Variants in ARHGAP28 observed in about 807,000 individuals in gnomAD.
ARHGAP28 encodes the protein Rho GTPase activating protein 28, also known as rho GTPase-activating protein 28.
ARHGAP28 carries 56 observed loss-of-function variants against 90.7 expected under a neutral mutation model. The ratio of observed to expected loss-of-function variants is 0.62; its 90% confidence interval spans 0.50 to 0.77. The LOEUF (loss-of-function observed/expected upper bound fraction) is 0.77. ARHGAP28 is among the 30% of genes least tolerant of loss of function. The pLI is 0.00. For synonymous variants in ARHGAP28, 308 were observed against 323.3 expected, an observed-to-expected ratio of 0.95 and a Z score of 0.51; for missense variants, 869 against 900.9, an observed-to-expected ratio of 0.96 and a Z score of 0.45.
intron 1 of ARHGAP28, among the ~76,000 whole-genome samples, chr18:6,733,204 A>G (rs1165492389): frequency 6.6e-6 from 1 of 152,216 alleles, no homozygotes; most frequent in Non-Finnish European, 1.5e-5. Context: ...TATTGACAGT[A>G]AGGAATCCTC....
chr18:6,851,176 C>A, intron 4 of ARHGAP28, 50 bp downstream of exon 4: 2 of 1,547,422 alleles, frequency 1.3e-6, no homozygotes, highest in African/African-American at 1.4e-5. Context: ...TAAGCCATTT[C>A]TTCAAGATGG....
At chr18:6,903,309 T>A (rs1309940925) in intron 16 of ARHGAP28, among the ~76,000 whole-genome samples, 1 of 152,238 alleles carries the variant, frequency 6.6e-6, no homozygotes. Flanking sequence ...CATTTCGTTA[T>A]ATGTATTTTA....
intron 10 of ARHGAP28, among the ~76,000 whole-genome samples, chr18:6,880,684 G>T (rs1361469181): frequency 6.6e-6 from 1 of 152,162 alleles, no homozygotes; most frequent in Admixed American, 6.5e-5. Flanking sequence ...CACTGCTTGA[G>T]CAGGATCCCC....
chr18:6,858,874 A>C (rs1225951743), intron 4 of ARHGAP28, among the ~76,000 whole-genome samples: 1 of 152,082 alleles, frequency 6.6e-6, no homozygotes, highest in Non-Finnish European at 1.5e-5. Context: ...TTCTTTAAAA[A>C]AAAAAAAAGA....
intron 9 of ARHGAP28, 143 bp from the exon 10 acceptor site, chr18:6,875,988 A>G: frequency 4.5e-6 from 3 of 661,944 alleles, no homozygotes; most frequent in Non-Finnish European, 5.3e-6. Flanking sequence ...TAGGATGGTT[A>G]TGAACATTTA....
intron 1 of ARHGAP28, among the ~76,000 whole-genome samples, chr18:6,783,041 C>T (rs965716547): frequency 6.6e-6 from 1 of 152,132 alleles, no homozygotes; most frequent in Non-Finnish European, 1.5e-5. Context: ...CCAGCTCCAA[C>T]CTGCTAGTCC....
At chr18:6,854,509 C>T (rs189208076) in intron 4 of ARHGAP28, among the ~76,000 whole-genome samples, 1 of 152,248 alleles carries the variant, frequency 6.6e-6, no homozygotes, top group Non-Finnish European at 1.5e-5. Flanking sequence ...AATTCTTTTT[C>T]TCCCCATTCC....
At chr18:6,777,966 T>C (rs886394726) in intron 1 of ARHGAP28, among the ~76,000 whole-genome samples, 4 of 152,166 alleles carry the variant, frequency 2.6e-5, no homozygotes, top group African/African-American at 9.6e-5. Flanking sequence ...TGATTGGACA[T>C]AGGTATTTCC....
At position 6,879,541 on chromosome 18, in the gene ARHGAP28, G is replaced by T. The variant is rs576474083; in HGVS notation, c.1291-2596G>T. ...CCCGGCTGACATGGTTTCACATTGG[G>T]GCCACCACAGAAATGTCAGCTCTGT... On this transcript the variant is annotated intron_variant, in intron 10 of 17. Transcript: ENST00000383472. Among the ~76,000 whole-genome samples, 10 of 152,212 alleles carry T rather than the reference G, an allele frequency of 6.6e-5. No individual in the cohort carries two copies. The East Asian group carries it at 1.9e-3, about 29-fold the overall frequency.
intron 2 of ARHGAP28, among the ~76,000 whole-genome samples, chr18:6,835,854 C>T (rs1006189818): frequency 1.1e-4 from 17 of 152,228 alleles, no homozygotes; most frequent in Admixed American, 1.1e-3. Context: ...GTCATAAATA[C>T]ATTGATTTAA....
intron 9 of ARHGAP28, among the ~76,000 whole-genome samples, chr18:6,874,435 G>T (rs2057115592): frequency 6.6e-6 from 1 of 152,084 alleles, no homozygotes; most frequent in Non-Finnish European, 1.5e-5. Context: ...TACCTGATTT[G>T]CTTTTAAGTC....
chr18:6,795,671 G>A lies in ARHGAP28; in HGVS notation c.123-29091G>A, dbSNP rs192209782. ...AGAAACACAGCCTATATGTTAGCCC[G>A]CAGCAGAAAGCCTGCAGCACTCCAG... is the stretch of plus-strand genomic sequence containing the variant. On this transcript the variant is annotated intron_variant, in intron 1 of 17. Coordinates refer to ENST00000383472, the MANE Select transcript of ARHGAP28 (RefSeq NM_001366230.1). Among the ~76,000 whole-genome samples, 588 of 152,240 alleles carry A rather than the reference G, an allele frequency of 3.9e-3. 1 individual carries two copies. The highest frequency in any genetic ancestry group is 0.015 in the South Asian group (72 of 4,818).
chr18:6,907,394 G>GAAAAAAA (rs201812761), intron 16 of ARHGAP28, among the ~76,000 whole-genome samples: 1 of 136,850 alleles, frequency 7.3e-6, no homozygotes, highest in Non-Finnish European at 1.6e-5. Flanking sequence ...TCAAAAACTG[G>GAAAAAAA]AAAAAAAAAA....
rs1299831989 is a variant in ARHGAP28, at chr18:6,837,384, C to A, written c.513C>A (p.Val171=). The A allele has an allele frequency of 6.2e-7, 1 of 1,610,658 alleles. No individual in the cohort carries two copies. The highest frequency in any genetic ancestry group is 1.7e-5 in the Admixed American group (1 of 59,736). ...RKKDKQSIRD[V]RDIFGVSESP... ...AGGATAAGCAATCTATCAGGGATGT[C>A]AGAGACATTTTTGGAGTCAGTGAAT... is the stretch of plus-strand genomic sequence containing the variant. The change falls in exon 3 of 18, where the codon GTC becomes GTA. Residue 171 remains valine (V), a synonymous_variant. Transcript: ENST00000383472.
chr18:6,841,201 CT>C (rs1567966814), intron 3 of ARHGAP28, among the ~76,000 whole-genome samples: 1 of 62,502 alleles, frequency 1.6e-5, no homozygotes, highest in African/African-American at 8.6e-5. Context: ...CTCTCTCTCT[CT>C]CCTCTCCTCT....
intron 1 of ARHGAP28, chr18:6,790,952 A>G (rs2056402276): frequency 6.6e-6 from 1 of 152,190 alleles, no homozygotes; most frequent in Non-Finnish European, 1.5e-5. Flanking sequence ...ATATCCCATA[A>G]TGAAATTTAT....
chr18:6,761,845 C>G (rs569080314), intron 1 of ARHGAP28, among the ~76,000 whole-genome samples: 1 of 152,234 alleles, frequency 6.6e-6, no homozygotes, highest in South Asian at 2.1e-4. Context: ...TCTCATTAAG[C>G]CTGAGCTTCC....
intron 16 of ARHGAP28, among the ~76,000 whole-genome samples, chr18:6,901,385 C>A (rs986994608): frequency 3.9e-5 from 6 of 152,016 alleles, no homozygotes; most frequent in Admixed American, 3.9e-4. Context: ...GTGGTCTATG[C>A]AGAGTGACTT....
At chr18:6,802,576 C>T (rs190964645) in intron 1 of ARHGAP28, among the ~76,000 whole-genome samples, 7 of 152,002 alleles carry the variant, frequency 4.6e-5, no homozygotes, top group Admixed American at 6.6e-5. Context: ...GAACTCCTGA[C>T]CTCAAGTGAT....
Sources: allele counts gnomAD v4.1 joint callset (sites outside exome capture counted in the v4.1 genomes callset), GRCh38; gene constraint gnomAD v4.1.1; transcripts MANE v1.5; gene names NCBI Gene and HGNC (gene_info 2026-07-23, HGNC 2026-07-21).